The following IMMP2L variants were observed in gnomAD, a reference collection of about 807,000 sequenced individuals.
The protein encoded by IMMP2L is mitochondrial inner membrane protease subunit 2.
In IMMP2L, 18 loss-of-function variants were observed where a neutral mutation model predicts 19.3. The observed-to-expected ratio is 0.93, with a 90% CI of 0.64 to 1.38. The LOEUF (loss-of-function observed/expected upper bound fraction) is 1.38. Ranked by LOEUF, IMMP2L falls within the 40% of genes most tolerant of loss-of-function variation. IMMP2L has a pLI of 0.00. For missense variants in IMMP2L, 233 were observed against 218.2 expected, an observed-to-expected ratio of 1.07 and a Z score of -0.43; for synonymous variants, 76 against 73.0, an observed-to-expected ratio of 1.04 and a Z score of -0.21.
intron 4 of IMMP2L, among the ~76,000 whole-genome samples, chr7:110,900,892 T>C (rs1056481768): frequency 1.3e-5 from 2 of 152,004 alleles, no homozygotes; most frequent in African/African-American, 4.8e-5. Flanking sequence ...CATCTGGCCA[T>C]GGCTACACTT....
chr7:111,320,844 G>A (rs1261207608), intron 3 of IMMP2L, among the ~76,000 whole-genome samples: 2 of 152,022 alleles, frequency 1.3e-5, no homozygotes, highest in East Asian at 1.9e-4. Context: ...ATACAGTACT[G>A]TTTACTTTGT....
At chr7:111,370,402 T>G (rs1349449205) in intron 3 of IMMP2L, among the ~76,000 whole-genome samples, 3 of 152,034 alleles carry the variant, frequency 2.0e-5, no homozygotes, top group Non-Finnish European at 4.4e-5. Flanking sequence ...TAAGTACTAC[T>G]GGGCTTAGCA....
At chr7:110,690,641 T>C (rs1449203704) in intron 5 of IMMP2L, among the ~76,000 whole-genome samples, 2 of 152,112 alleles carry the variant, frequency 1.3e-5, no homozygotes, top group African/African-American at 4.8e-5. Context: ...CACAAATTGG[T>C]ATCACTGTTA....
chr7:110,793,376 C>T (rs1800610112), intron 5 of IMMP2L, among the ~76,000 whole-genome samples: 1 of 151,890 alleles, frequency 6.6e-6, no homozygotes, highest in Non-Finnish European at 1.5e-5. Context: ...GCCGAGTCCA[C>T]ACCACTGCAC....
intron 3 of IMMP2L, among the ~76,000 whole-genome samples, chr7:111,119,164 G>A (rs1800270431): frequency 1.3e-5 from 2 of 152,110 alleles, no homozygotes; most frequent in South Asian, 4.1e-4. Context: ...CAGAAGTAAT[G>A]GTTTCTCCAT....
At chr7:111,284,803 C>G (rs1371519547) in intron 3 of IMMP2L, among the ~76,000 whole-genome samples, 1 of 152,132 alleles carries the variant, frequency 6.6e-6, no homozygotes, top group Admixed American at 6.5e-5. Flanking sequence ...TTTTGGAATA[C>G]TACAAAACTA....
At chr7:111,488,157 T>C (rs1266690111) in intron 2 of IMMP2L, among the ~76,000 whole-genome samples, 2 of 152,174 alleles carry the variant, frequency 1.3e-5, no homozygotes, top group Non-Finnish European at 2.9e-5. Flanking sequence ...AAAGCTAAGA[T>C]AGCCTTTTCA....
chr7:110,726,135 T>C lies in IMMP2L; in HGVS notation c.409-62414A>G, dbSNP rs143368004. 6.2e-4 allele frequency among the ~76,000 whole-genome samples: 95 copies of C among 152,296 alleles called. 1 individual carries two copies. In the East Asian group the frequency reaches 0.016, roughly 26 times the overall value. On this transcript the variant is annotated intron_variant, in intron 5 of 5. Coordinates refer to ENST00000405709, the MANE Select transcript of IMMP2L (RefSeq NM_032549.4). Reference sequence around the variant, plus strand: ...CTCCTATATCAAACTGCCTCTCATATGGAAATTCACCAAGGAAGACCATTA... The same window carrying C: ...CTCCTATATCAAACTGCCTCTCATACGGAAATTCACCAAGGAAGACCATTA...
At chr7:110,816,957 C>A (rs1333198228) in intron 5 of IMMP2L, among the ~76,000 whole-genome samples, 1 of 152,060 alleles carries the variant, frequency 6.6e-6, no homozygotes, top group Non-Finnish European at 1.5e-5. Flanking sequence ...GAGCATTTAG[C>A]CCATTTACAT....
chr7:111,164,662 T>C (rs1411334764), intron 3 of IMMP2L, among the ~76,000 whole-genome samples: 1 of 152,070 alleles, frequency 6.6e-6, no homozygotes, highest in Non-Finnish European at 1.5e-5. Context: ...CTATGAACTT[T>C]ACTATCAGAT....
intron 1 of IMMP2L, among the ~76,000 whole-genome samples, chr7:111,538,004 T>A (rs562699759): frequency 2.6e-5 from 4 of 152,214 alleles, no homozygotes; most frequent in African/African-American, 9.6e-5. Context: ...TCAGGTTAGC[T>A]TAGATGTCAC....
intron 3 of IMMP2L, among the ~76,000 whole-genome samples, chr7:111,037,452 C>T (rs1791460782): frequency 6.6e-6 from 1 of 152,176 alleles, no homozygotes; most frequent in East Asian, 1.9e-4. Flanking sequence ...AGGTTTAAAG[C>T]ACACTTCAGA....
At chr7:111,034,409 A>T (rs1791133980) in intron 3 of IMMP2L, among the ~76,000 whole-genome samples, 1 of 152,164 alleles carries the variant, frequency 6.6e-6, no homozygotes, top group Non-Finnish European at 1.5e-5. Context: ...CAAGATTCAG[A>T]GAAACCTTGC....
intron 5 of IMMP2L, among the ~76,000 whole-genome samples, chr7:110,768,117 C>A (rs1798787706): frequency 6.6e-6 from 1 of 151,968 alleles, no homozygotes; most frequent in African/African-American, 2.4e-5. Flanking sequence ...GATAAGAGAG[C>A]TTTACAGAAA....
intron 5 of IMMP2L, among the ~76,000 whole-genome samples, chr7:110,794,611 T>G (rs1233407165): frequency 6.6e-6 from 1 of 151,930 alleles, no homozygotes; most frequent in Non-Finnish European, 1.5e-5. Context: ...AGACAAAACA[T>G]CATCACAAAA....
At position 111,187,567 on chromosome 7, in the gene IMMP2L, T is replaced by C. The variant is rs13438736; in HGVS notation, c.240-224002A>G. 9.4e-3 allele frequency among the ~76,000 whole-genome samples: 1,433 copies of C among 152,240 alleles called. 24 individuals carry two copies. The highest frequency in any genetic ancestry group is 0.032 in the African/African-American group (1,328 of 41,500). On this transcript the variant is annotated intron_variant, in intron 3 of 5. Transcript: ENST00000405709. ...GGAGCCTGTTGGAAATGAGACAGAA[T>C]ACTATGCTTAGCACAAAGTATGTTC...
intron 1 of IMMP2L, among the ~76,000 whole-genome samples, chr7:111,550,038 T>C (rs1179867275): frequency 2.0e-5 from 3 of 151,296 alleles, no homozygotes; most frequent in Non-Finnish European, 2.9e-5. Context: ...CAGTGCTAAA[T>C]AGTTATTAAT....
chr7:111,249,444 C>T (rs933544457), intron 3 of IMMP2L, among the ~76,000 whole-genome samples: 5 of 149,430 alleles, frequency 3.3e-5, no homozygotes, highest in Admixed American at 6.7e-5. Context: ...GAGATGAACC[C>T]GGTACCTCAG....
intron 3 of IMMP2L, among the ~76,000 whole-genome samples, chr7:111,013,804 AAACATTAAGTAG>A (rs1301200760): frequency 6.6e-6 from 1 of 152,172 alleles, no homozygotes; most frequent in African/African-American, 2.4e-5. Context: ...TATCTTGATT[AAACATTAAGTAG>A]ACTGCTTATT....
Sources: gnomAD v4.1 joint callset for allele counts (sites outside exome capture counted in the v4.1 genomes callset) on GRCh38, gnomAD v4.1.1 for gene constraint, MANE v1.5 for transcripts, NCBI Gene and HGNC (gene_info 2026-07-23, HGNC 2026-07-21) for gene names.